OSBPL9: variants seen among roughly 807,000 people sequenced by gnomAD.
The protein encoded by OSBPL9 is oxysterol-binding protein-related protein 9.
OSBPL9 carries 40 observed loss-of-function variants against 106.6 expected under a neutral mutation model. That is an observed-to-expected ratio of 0.38 (90% CI 0.29 to 0.49). OSBPL9 has a LOEUF of 0.49. Ranked by LOEUF, OSBPL9 falls within the 20% of genes least tolerant of loss-of-function variation. The pLI is 0.97. For missense variants in OSBPL9, 609 were observed against 887.2 expected (o/e 0.69, Z 3.98); for synonymous variants, 269 against 295.4 (o/e 0.91, Z 0.92).
chr1:51,671,636 G>A (rs750029256), intron 3 of OSBPL9, among the ~76,000 whole-genome samples: 5 of 152,144 alleles, frequency 3.3e-5, no homozygotes, highest in Non-Finnish European at 7.3e-5. Context: ...AACATGATAA[G>A]TTAGTAAAAT....
At chr1:51,676,012 A>G (rs1651098326) in intron 3 of OSBPL9, among the ~76,000 whole-genome samples, 1 of 152,210 alleles carries the variant, frequency 6.6e-6, no homozygotes, top group Non-Finnish European at 1.5e-5. Flanking sequence ...ATTGATTAGA[A>G]AACTGGGAGC....
chr1:51,680,147 G>A (rs908555140), intron 3 of OSBPL9, among the ~76,000 whole-genome samples: 7 of 151,846 alleles, frequency 4.6e-5, no homozygotes, highest in Non-Finnish European at 1.0e-4. Context: ...CCACCTCCTC[G>A]GGAGGCTGAG....
rs529130901 is a variant in OSBPL9, at chr1:51,788,173, T to C, written c.*384T>C. 5.8e-4 allele frequency: 115 copies of C among 198,602 alleles called. No individual in the cohort carries two copies. The East Asian group carries it at 0.011, about 18-fold the overall frequency. The allele number at this position is 198,602 out of a possible 1,614,324, so 12.3% of individuals were successfully genotyped here. On this transcript the variant is annotated 3_prime_UTR_variant, in exon 24 of 24. Transcript: ENST00000428468. Reference sequence around the variant, plus strand: ...CTCGGGATACACACACACACACACATATATATACACACACATACGTATACA... The same window carrying C: ...CTCGGGATACACACACACACACACACATATATACACACACATACGTATACA...
At chr1:51,645,295 AG>A (rs1235315837) in intron 1 of OSBPL9, among the ~76,000 whole-genome samples, 1 of 152,198 alleles carries the variant, frequency 6.6e-6, no homozygotes, top group Non-Finnish European at 1.5e-5. Context: ...TGATTTTCTT[AG>A]GCAAAATATC....
At chr1:51,678,382 C>T (rs1310147063) in intron 3 of OSBPL9, among the ~76,000 whole-genome samples, 3 of 152,062 alleles carry the variant, frequency 2.0e-5, no homozygotes, top group South Asian at 2.1e-4. Flanking sequence ...ATGCAGTGGC[C>T]GGGTGCAGTG....
At chr1:51,725,842 C>A (rs1663021002) in intron 4 of OSBPL9, among the ~76,000 whole-genome samples, 1 of 152,088 alleles carries the variant, frequency 6.6e-6, no homozygotes, top group Non-Finnish European at 1.5e-5. Flanking sequence ...CTACATGTCC[C>A]TGGAGTTTAT....
intron 10 of OSBPL9, among the ~76,000 whole-genome samples, chr1:51,761,127 G>A (rs1671392643): frequency 1.3e-5 from 2 of 152,108 alleles, no homozygotes; most frequent in South Asian, 2.1e-4. Flanking sequence ...GGGATGTTCC[G>A]TTTTGGGGTA....
At chr1:51,628,056 C>G (rs1207278445) in intron 1 of OSBPL9, among the ~76,000 whole-genome samples, 1 of 147,050 alleles carries the variant, frequency 6.8e-6, no homozygotes, top group Non-Finnish European at 1.5e-5. Context: ...GGCCTACTCT[C>G]AATTTTTTTT....
At chr1:51,724,980 A>T (rs1019228094) in intron 4 of OSBPL9, 1 of 152,622 alleles carries the variant, frequency 6.6e-6, no homozygotes, top group African/African-American at 2.4e-5. Flanking sequence ...TTAATGTCTC[A>T]CATTAATTTG....
intron 4 of OSBPL9, among the ~76,000 whole-genome samples, chr1:51,730,460 T>C (rs1159981239): frequency 1.3e-5 from 2 of 152,236 alleles, no homozygotes; most frequent in African/African-American, 4.8e-5. Context: ...TGTTCGTGCC[T>C]GGCCCTGTAT....
At chr1:51,626,312 G>GGATTC (rs1263729881) in intron 1 of OSBPL9, among the ~76,000 whole-genome samples, 2 of 151,964 alleles carry the variant, frequency 1.3e-5, no homozygotes, top group South Asian at 2.1e-4. Context: ...CCTGTGTTCT[G>GGATTC]GATTCCATTT....
At chr1:51,564,998 C>T in the OSBPL9 span, among the ~76,000 whole-genome samples, 1 of 152,202 alleles carries the variant, frequency 6.6e-6, no homozygotes, top group African/African-American at 2.4e-5. Flanking sequence ...AAGGCCCAGA[C>T]ACTTTGCCTG....
intron 1 of OSBPL9, among the ~76,000 whole-genome samples, chr1:51,581,392 G>A (rs1484005328): frequency 6.6e-6 from 1 of 152,178 alleles, no homozygotes; most frequent in Non-Finnish European, 1.5e-5. Context: ...CCAATCACCT[G>A]ACTGAGGCGG....
At chr1:51,693,790 G>A (rs1417158012) in intron 3 of OSBPL9, among the ~76,000 whole-genome samples, 1 of 152,172 alleles carries the variant, frequency 6.6e-6, no homozygotes, top group South Asian at 2.1e-4. Context: ...TACTCAGCAT[G>A]TCCCAACTTG....
At chr1:51,547,265 A>G in the OSBPL9 span, among the ~76,000 whole-genome samples, 8 of 152,214 alleles carry the variant, frequency 5.3e-5, no homozygotes, top group Admixed American at 3.3e-4. Flanking sequence ...TGGAGAGGAG[A>G]TAGCTAAAAT....
At chr1:51,719,611 A>G (rs1015844304) in intron 4 of OSBPL9, among the ~76,000 whole-genome samples, 1 of 152,164 alleles carries the variant, frequency 6.6e-6, no homozygotes, top group Admixed American at 6.5e-5. Flanking sequence ...TGGATGTCAT[A>G]CAGGTATAAA....
upstream of OSBPL9, chr1:51,574,182 A>G (rs1645169615): frequency 6.6e-6 from 1 of 152,218 alleles, no homozygotes; most frequent in Admixed American, 6.5e-5. Flanking sequence ...TCATTGTCCA[A>G]TTGTCTGAAT....
intron 3 of OSBPL9, chr1:51,707,009 T>A (rs374842480): frequency 6.9e-4 from 117 of 169,104 alleles, no homozygotes; most frequent in African/African-American, 2.7e-3. Context: ...GGAAACTGTG[T>A]CAAGAAGAGA....
intron 3 of OSBPL9, among the ~76,000 whole-genome samples, chr1:51,680,752 A>G (rs1489129962): frequency 6.6e-6 from 1 of 152,028 alleles, no homozygotes; most frequent in Non-Finnish European, 1.5e-5. Context: ...TATTGTACAC[A>G]TTTTTCTCCA....
Sources: allele counts gnomAD v4.1 joint callset (sites outside exome capture counted in the v4.1 genomes callset), GRCh38; gene constraint gnomAD v4.1.1; transcripts MANE v1.5; gene names NCBI Gene and HGNC (gene_info 2026-07-23, HGNC 2026-07-21).